Variants in EFCAB6 observed in about 807,000 individuals in gnomAD.
EFCAB6 encodes EF-hand calcium-binding domain-containing protein 6.
Under a neutral mutation model 169.8 loss-of-function variants are expected in EFCAB6, and 156 were observed. That is an observed-to-expected ratio of 0.92 (90% confidence interval 0.81 to 1.05). The LOEUF (loss-of-function observed/expected upper bound fraction) is 1.05, where lower values mean the gene tolerates loss of function less well. Among genes scored for constraint, EFCAB6 ranks in the 50% least tolerant of loss-of-function variants. The pLI is 0.00. For missense variants in EFCAB6, 1,800 were observed against 1,829.1 expected (o/e 0.98, Z 0.29); for synonymous variants, 698 against 676.4 (o/e 1.03, Z -0.50).
At chr22:43,731,199 C>T (rs969646076) in intron 8 of EFCAB6, among the ~76,000 whole-genome samples, 8 of 152,132 alleles carry the variant, frequency 5.3e-5, no homozygotes, top group African/African-American at 1.4e-4. Flanking sequence ...ACTGTTCGCA[C>T]GAGGAAACAC....
chr22:43,688,513 C>T lies in EFCAB6; in HGVS notation c.1032-932G>A, dbSNP rs150035687. 7.2e-5 allele frequency among the ~76,000 whole-genome samples: 11 copies of T among 152,312 alleles called. No homozygotes were observed. In the East Asian group the frequency reaches 1.9e-3, roughly 27 times the overall value. ...CAGAGTTATAAGATTCCTGTGGGAG[C>T]AACCTGATGTGAGCATGGGTTTCAG... On this transcript the variant is annotated intron_variant, in intron 10 of 31. Transcript: ENST00000262726.
rs567612324 is a variant in EFCAB6 at position 43,539,864 on chromosome 22, C to T, written c.3879+263G>A. Among the ~76,000 whole-genome samples the T allele has an allele frequency of 4.5e-4, 69 of 152,356 alleles. 1 individual carries two copies. Among genetic ancestry groups the T allele is most frequent in the African/African-American group, 1.6e-3 (68 of 41,588 alleles). ...GACAGGTGCCTCCCGCCCTGCCTCT[C>T]GCTCCCTTTCCCACCTTGCACCCGC... On this transcript the variant is annotated intron_variant, in intron 28 of 31. Transcript: ENST00000262726.
Position 43,706,815 on chromosome 22 carries a change from T to C in EFCAB6, c.1031+4660A>G, listed in dbSNP as rs114197337. Among the ~76,000 whole-genome samples, 322 of 152,330 alleles carry C rather than the reference T, an allele frequency of 2.1e-3. 1 individual carries two copies. Among genetic ancestry groups the C allele is most frequent in the African/African-American group, 7.5e-3 (310 of 41,576 alleles). ...TCTCAGTTGTTTACTATAAAAGGCA[T>C]TGCTAACTTCCCAGCCAGCACGAAC... On this transcript the variant is annotated intron_variant, in intron 10 of 31. Transcript: ENST00000262726.
At chr22:43,618,806 T>C (rs1040327561) in intron 20 of EFCAB6, among the ~76,000 whole-genome samples, 3 of 152,162 alleles carry the variant, frequency 2.0e-5, no homozygotes, top group Non-Finnish European at 2.9e-5. Context: ...GTGCCAACGA[T>C]AGCAGTGGCC....
At chr22:43,559,146 A>G (rs952082416) in intron 26 of EFCAB6, among the ~76,000 whole-genome samples, 5 of 152,232 alleles carry the variant, frequency 3.3e-5, no homozygotes, top group African/African-American at 1.2e-4. Flanking sequence ...CAGAATCTAC[A>G]AGGAACTTAA....
intron 27 of EFCAB6, among the ~76,000 whole-genome samples, chr22:43,544,400 G>T (rs947173834): frequency 6.6e-6 from 1 of 152,150 alleles, no homozygotes; most frequent in African/African-American, 2.4e-5. Context: ...AACTACAGAG[G>T]CTGGGCAGCT....
chr22:43,671,917 T>C (rs984317353), intron 15 of EFCAB6, 56 bp downstream of exon 15: 76 of 1,572,448 alleles, frequency 4.8e-5, no homozygotes, highest in African/African-American at 4.1e-5. Context: ...TTTAGAATTA[T>C]GGAACAGGCC....
At chr22:43,619,264 C>A in intron 20 of EFCAB6, among the ~76,000 whole-genome samples, 1 of 152,174 alleles carries the variant, frequency 6.6e-6, no homozygotes, top group Admixed American at 6.5e-5. Context: ...ACAAAATTGA[C>A]ATTAAAACCA....
intron 8 of EFCAB6, among the ~76,000 whole-genome samples, chr22:43,718,772 T>C (rs1349238135): frequency 1.3e-5 from 2 of 152,140 alleles, no homozygotes; most frequent in Non-Finnish European, 2.9e-5. Context: ...AGAGAGAGGC[T>C]CCACCTCAAA....
chr22:43,704,169 C>A (rs1376328486), intron 10 of EFCAB6, among the ~76,000 whole-genome samples: 3 of 152,074 alleles, frequency 2.0e-5, no homozygotes, highest in Non-Finnish European at 4.4e-5. Flanking sequence ...ACATGACTAT[C>A]AGCAGATTTC....
At chr22:43,578,682 A>G (rs1461858212) in intron 25 of EFCAB6, among the ~76,000 whole-genome samples, 1 of 152,016 alleles carries the variant, frequency 6.6e-6, no homozygotes, top group Non-Finnish European at 1.5e-5. Context: ...ATCATTCCCT[A>G]CGTGCAGGCA....
intron 17 of EFCAB6, among the ~76,000 whole-genome samples, chr22:43,655,811 G>A (rs960565993): frequency 1.3e-5 from 2 of 152,132 alleles, no homozygotes; most frequent in African/African-American, 4.8e-5. Context: ...TACGCCATGT[G>A]AACACTCATC....
intron 17 of EFCAB6, among the ~76,000 whole-genome samples, chr22:43,664,953 G>A (rs938643724): frequency 6.6e-6 from 1 of 152,142 alleles, no homozygotes; most frequent in African/African-American, 2.4e-5. Context: ...GGAGATGCTG[G>A]GGGGAGCAGT....
At chr22:43,595,521 G>C (rs1184628325) in intron 23 of EFCAB6, among the ~76,000 whole-genome samples, 1 of 151,912 alleles carries the variant, frequency 6.6e-6, no homozygotes, top group Non-Finnish European at 1.5e-5. Context: ...CTAGAAGTGG[G>C]TAAATTCCTA....
chr22:43,613,746 T>C (rs1281498796), intron 21 of EFCAB6, among the ~76,000 whole-genome samples: 1 of 152,142 alleles, frequency 6.6e-6, no homozygotes, highest in East Asian at 1.9e-4. Context: ...CCTGCACACA[T>C]ATCCCTGAAC....
chr22:43,632,175 A>T lies in EFCAB6; in HGVS notation c.2162T>A (p.Val721Glu), dbSNP rs754355932. ...TTCTGCGGTGATAAAGTGGCTGTTC[A>T]CGTAACTTTTTGAAGGAGTTGGAGG... Reference protein sequence around the residue: ...PQPPTPSKSYVNSHFITAEEC... With the variant: ...PQPPTPSKSYENSHFITAEEC... The change falls in exon 19 of 32, where the codon GTG (valine) becomes GAG (glutamate). Residue 721 changes from valine (V) to glutamate (E), a missense_variant. By Grantham distance (121) the Val-to-Glu change is moderately radical. Coordinates refer to ENST00000262726, the MANE Select transcript of EFCAB6 (RefSeq NM_022785.4). 1 of 1,614,078 alleles carries T rather than the reference A, an allele frequency of 6.2e-7. No individual in the cohort carries two copies. The highest frequency in any genetic ancestry group is 8.5e-7 in the Non-Finnish European group (1 of 1,180,016).
intron 24 of EFCAB6, among the ~76,000 whole-genome samples, chr22:43,588,253 T>C (rs1304334096): frequency 1.3e-5 from 2 of 152,236 alleles, no homozygotes; most frequent in African/African-American, 4.8e-5. Flanking sequence ...ACTCTTAGTA[T>C]GGACATATTT....
intron 23 of EFCAB6, among the ~76,000 whole-genome samples, chr22:43,591,812 G>A (rs964788254): frequency 2.6e-5 from 4 of 152,088 alleles, no homozygotes; most frequent in African/African-American, 7.2e-5. Flanking sequence ...CTCCTAACTC[G>A]AAAAAAATTA....
At chr22:43,741,881 G>A (rs1164045807) in intron 6 of EFCAB6, among the ~76,000 whole-genome samples, 1 of 151,970 alleles carries the variant, frequency 6.6e-6, no homozygotes, top group East Asian at 1.9e-4. Flanking sequence ...TTCCCCTGGG[G>A]GCAGGGGAGA....
Sources: allele counts gnomAD v4.1 joint callset (sites outside exome capture counted in the v4.1 genomes callset), GRCh38; gene constraint gnomAD v4.1.1; transcripts MANE v1.5; gene names NCBI Gene and HGNC (gene_info 2026-07-23, HGNC 2026-07-21).